DDX11: variants seen among roughly 807,000 people sequenced by gnomAD.
DDX11 encodes ATP-dependent DNA helicase DDX11.
DDX11 carries 72 observed loss-of-function variants against 125.2 expected under a neutral mutation model. The ratio of observed to expected loss-of-function variants is 0.58; its 90% CI spans 0.48 to 0.70. DDX11 has a LOEUF of 0.70. Ranked by LOEUF, DDX11 falls within the 30% of genes least tolerant of loss-of-function variation. The pLI is 0.00. For synonymous variants in DDX11, 347 were observed against 452.6 expected (o/e 0.77, Z 2.96); for missense variants, 883 against 1,165.0 (o/e 0.76, Z 3.52).
chr12:31,082,268 C>T (rs1942093524), intron 2 of DDX11, among the ~76,000 whole-genome samples: 1 of 151,448 alleles, frequency 6.6e-6, no homozygotes. Flanking sequence ...TCCAACCGCT[C>T]ACTTGTTATT....
At chr12:31,093,478 G>T (rs1029017100) in intron 12 of DDX11, 154 bp downstream of exon 12, 4 of 976,422 alleles carry the variant, frequency 4.1e-6, no homozygotes, top group African/African-American at 1.6e-5. Context: ...CACTTGGGAG[G>T]CCGAGGCAGG....
intron 6 of DDX11, among the ~76,000 whole-genome samples, chr12:31,088,355 C>T (rs1420100710): frequency 3.9e-5 from 6 of 152,188 alleles, no homozygotes; most frequent in South Asian, 2.1e-4. Flanking sequence ...CCCAGGGCAT[C>T]GAGGAACAGC....
rs1047957202 is a variant in DDX11, at chr12:31,074,063, G to A, written c.-33G>A. 6.6e-6 allele frequency: 1 copy of A among 152,296 alleles called. No homozygotes were observed. The highest frequency in any genetic ancestry group is 6.5e-5 in the Admixed American group (1 of 15,288). 9.4% of individuals were successfully genotyped at this position (152,296 alleles called of 1,614,324 possible). On this transcript the variant is annotated 5_prime_UTR_variant, in exon 1 of 27. Coordinates refer to ENST00000542838, the MANE Select transcript of DDX11 (RefSeq NM_030653.4). Reference sequence around the variant, plus strand: ...TGGTGAAATCGCAAACTGGGCGTCTGTTCCGGCGCCGGACCCCTATTTGCA... The same window carrying A: ...TGGTGAAATCGCAAACTGGGCGTCTATTCCGGCGCCGGACCCCTATTTGCA...
At chr12:31,090,613 G>A (rs1031031921) in intron 9 of DDX11, among the ~76,000 whole-genome samples, 1 of 152,210 alleles carries the variant, frequency 6.6e-6, no homozygotes, top group Non-Finnish European at 1.5e-5. Flanking sequence ...TTAAACAGAA[G>A]GAAGAACTGC....
intron 3 of DDX11, 116 bp from the exon 4 acceptor site, chr12:31,084,467 C>G: frequency 2.1e-6 from 2 of 941,072 alleles, no homozygotes; most frequent in Non-Finnish European, 3.4e-6. Flanking sequence ...GAGTGCTGGC[C>G]GGGGAAGGAG....
chr12:31,097,697 A>AAAG (rs1945551379), intron 17 of DDX11, among the ~76,000 whole-genome samples, 188 bp from the exon 18 acceptor site: 1 of 148,182 alleles, frequency 6.7e-6, no homozygotes, highest in Non-Finnish European at 1.5e-5. Context: ...AAAAAAAAAA[A>AAAG]GGATGGAGAG....
rs751716597 is a variant in DDX11, at chr12:31,089,052, C to T, written c.693C>T (p.Tyr231=). 2 of 1,613,872 alleles carry T rather than the reference C, an allele frequency of 1.2e-6. No individual in the cohort carries two copies. The highest frequency in any genetic ancestry group is 8.5e-7 in the Non-Finnish European group (1 of 1,179,750). Residue 231 remains tyrosine (Y), a synonymous_variant, in exon 7 of 27, where the codon TAC becomes TAT. Transcript: ENST00000542838. ...LEEEHITKIY[Y]CSRTHSQLAQ... is the part of the protein sequence containing the mutation. ...TTCTTTCTCTCTGCTAGATTTATTA[C>T]TGTAGTCGGACACACTCCCAGCTGG...
At chr12:31,096,309 C>T (rs1029728650) in intron 14 of DDX11, 32 bp from the exon 15 acceptor site, 2 of 1,420,860 alleles carry the variant, frequency 1.4e-6, no homozygotes, top group Admixed American at 1.8e-5. Flanking sequence ...TCAGTTTGCA[C>T]TCATGCCTAC....
chr12:31,079,035 C>T (rs1047610389), intron 2 of DDX11, among the ~76,000 whole-genome samples: 5 of 152,276 alleles, frequency 3.3e-5, no homozygotes, highest in African/African-American at 1.2e-4. Flanking sequence ...AGGCTGAAGT[C>T]ATTGGTGCCT....
In DDX11 at chr12:31,101,849, G is replaced by C; in HGVS notation, c.2069G>C (p.Arg690Pro). ...ELPQMMDEVG[R>P]ILCNLCGVVP... Reference sequence around the variant, plus strand: ...CTTCCTTAGATGGACGAGGTGGGTCGCATTCTCTGTAACCTGTGCGGTGTG... The same window carrying C: ...CTTCCTTAGATGGACGAGGTGGGTCCCATTCTCTGTAACCTGTGCGGTGTG... The change falls in exon 21 of 27, where the codon CGC (arginine) becomes CCC (proline). Residue 690 changes from arginine to proline, a missense_variant. Arg to Pro is a moderately radical substitution (Grantham distance 103, BLOSUM62 -2). Transcript: ENST00000542838. 1 of 1,613,934 alleles carries C rather than the reference G, an allele frequency of 6.2e-7. No individual in the cohort carries two copies. The highest frequency in any genetic ancestry group is 8.5e-7 in the Non-Finnish European group (1 of 1,179,842).
At chr12:31,074,223 G>A (rs1193195700) in intron 1 of DDX11, 132 bp downstream of exon 1, 3 of 132,188 alleles carry the variant, frequency 2.3e-5, no homozygotes, top group Non-Finnish European at 4.7e-5. Context: ...ACTGGGCGGT[G>A]CGCAGAAGTG....
At chr12:31,087,828 C>T (rs1475338661) in intron 5 of DDX11, 110 bp from the exon 6 acceptor site, 2 of 1,500,918 alleles carry the variant, frequency 1.3e-6, no homozygotes, top group East Asian at 4.9e-5. Flanking sequence ...CTTGGTGGAA[C>T]CCATTGCTGG....
chr12:31,093,961 C>T lies in DDX11; in HGVS notation c.1370-629C>T, dbSNP rs558621321. Among the ~76,000 whole-genome samples the T allele has an allele frequency of 1.9e-3, 284 of 149,864 alleles. 5 individuals are homozygous for T. The highest frequency in any genetic ancestry group is 6.6e-3 in the African/African-American group (268 of 40,402). ...TTCTGTGGGTTGTTCGAAGCACTTG[C>T]ATATGCGGTTTTGTGTGCCCTGTGA... is the stretch of plus-strand genomic sequence containing the variant. On this transcript the variant is annotated intron_variant, in intron 12 of 26. Transcript: ENST00000542838.
rs368042207 is a variant in DDX11, at chr12:31,103,885, C to T, written c.*49C>T. The T allele has an allele frequency of 2.1e-5, 34 of 1,613,860 alleles. No individual in the cohort carries two copies. Among genetic ancestry groups the T allele is most frequent in the African/African-American group, 2.7e-5 (2 of 74,930 alleles). On this transcript the variant is annotated 3_prime_UTR_variant, in exon 27 of 27. Transcript: ENST00000542838. The stretch of plus-strand genomic sequence containing the variant: ...CGCCGTGCCCTTCCTTTGTCCTGCC[C>T]GCTGGAGACAGTGTTTGTCGTGGGC...
Position 31,103,576 on chromosome 12 carries a change from G to A in DDX11, c.2537-1G>A, listed in dbSNP as rs1946792293. 6.2e-7 allele frequency: 1 copy of A among 1,613,824 alleles called. No individual in the cohort carries two copies. Among genetic ancestry groups the A allele is most frequent in the Non-Finnish European group, 8.5e-7 (1 of 1,179,950 alleles). ...GAGCCCCAGCCTCTGTTCCTATGCA[G>A]GCAGGGCCATCAGGCACCAGAAGGA... On this transcript the variant is annotated splice_acceptor_variant, in intron 25 of 26. Coordinates refer to ENST00000542838, the MANE Select transcript of DDX11 (RefSeq NM_030653.4). LOFTEE classifies it high-confidence loss of function.
In DDX11 at chr12:31,101,827, C is replaced by G. The variant is rs145271122; in HGVS notation, c.2053-6C>G. The G allele has an allele frequency of 8.6e-5, 138 of 1,613,974 alleles. No individual in the cohort carries two copies. The East Asian group carries it at 2.7e-3, about 32-fold the overall frequency. On this transcript the variant is annotated splice_polypyrimidine_tract_variant and splice_region_variant and intron_variant, in intron 20 of 26. Coordinates refer to ENST00000542838, the MANE Select transcript of DDX11 (RefSeq NM_030653.4). ...GGCTCCCTCCCTCCCTCCTTTCCTTCCTTAGATGGACGAGGTGGGTCGCAT... is the reference window on the plus strand; with the variant it reads ...GGCTCCCTCCCTCCCTCCTTTCCTTGCTTAGATGGACGAGGTGGGTCGCAT...
At position 31,101,922 on chromosome 12, in the gene DDX11, C is replaced by T; in HGVS notation, c.2142C>T (p.Arg714=). Residue 714 remains arginine, a synonymous_variant, in exon 21 of 27, where the codon CGC becomes CGT. Transcript: ENST00000542838. ...VCFFPSYEYL[R]QVHAHWEKGG... ...TCTTCCCCTCCTACGAGTACCTGCG[C>T]CAGGTCCATGCCCACTGGGAGAAGG... 6.2e-7 allele frequency: 1 copy of T among 1,613,836 alleles called. No individual in the cohort carries two copies. The highest frequency in any genetic ancestry group is 8.5e-7 in the Non-Finnish European group (1 of 1,179,818).
chr12:31,101,421 C>T, intron 20 of DDX11: 1 of 535,058 alleles, frequency 1.9e-6, no homozygotes, highest in South Asian at 2.0e-5. Flanking sequence ...CTTTGGCTCT[C>T]TTGCCCTTTG....
chr12:31,092,151 A>G (rs1470901261), intron 10 of DDX11, among the ~76,000 whole-genome samples: 1 of 152,112 alleles, frequency 6.6e-6, no homozygotes, highest in Non-Finnish European at 1.5e-5. Flanking sequence ...AGCCAGGGAG[A>G]TGGCATGTGT....
Sources: allele counts gnomAD v4.1 joint callset (sites outside exome capture counted in the v4.1 genomes callset), GRCh38; gene constraint gnomAD v4.1.1; transcripts MANE v1.5; gene names NCBI Gene and HGNC (gene_info 2026-07-23, HGNC 2026-07-21).